The following CSMD3 variants were observed in gnomAD, a reference collection of about 807,000 sequenced individuals.
CSMD3 encodes CUB and sushi domain-containing protein 3.
Under a neutral mutation model 435.2 loss-of-function variants are expected in CSMD3, and 177 were observed. The ratio of observed to expected loss-of-function variants is 0.41; its 90% CI spans 0.36 to 0.46. The LOEUF is 0.46. Ranked by LOEUF, CSMD3 falls within the 20% of genes least tolerant of loss-of-function variation. The pLI is 0.34. For missense variants in CSMD3, 4,265 were observed against 4,504.6 expected (o/e 0.95, Z 1.52); for synonymous variants, 1,656 against 1,520.5 (o/e 1.09, Z -2.07).
At position 113,008,338 on chromosome 8, in the gene CSMD3, T is replaced by C. The variant is rs564950096; in HGVS notation, c.1030+10729A>G. On this transcript the variant is annotated intron_variant, in intron 6 of 70. Transcript: ENST00000297405. ...GGAGCAATGGAGAAAAATGACACTG[T>C]ATCATGTTCTCTCAGTGTATTTATG... Among the ~76,000 whole-genome samples the C allele has an allele frequency of 6.6e-5, 10 of 151,938 alleles. No homozygotes were observed. The South Asian group carries it at 1.7e-3, about 25-fold the overall frequency.
At chr8:112,455,345 C>G (rs552723503) in intron 32 of CSMD3, among the ~76,000 whole-genome samples, 1 of 152,128 alleles carries the variant, frequency 6.6e-6, no homozygotes, top group East Asian at 1.9e-4. Flanking sequence ...GAGGAGAAAA[C>G]CAAATACCAC....
chr8:112,660,768 A>G (rs2075361109), intron 17 of CSMD3, among the ~76,000 whole-genome samples: 1 of 152,234 alleles, frequency 6.6e-6, no homozygotes, highest in Admixed American at 6.5e-5. Context: ...TTATTCTAAA[A>G]TACTGAAAAT....
At chr8:113,386,576 T>A (rs1470938110) in intron 1 of CSMD3, among the ~76,000 whole-genome samples, 1 of 151,824 alleles carries the variant, frequency 6.6e-6, no homozygotes, top group African/African-American at 2.4e-5. Flanking sequence ...TGTCAGTGTA[T>A]TTTTAAAAAA....
rs139748479 is a variant in CSMD3, at chr8:112,908,876, C to T, written c.1633+12751G>A. Among the ~76,000 whole-genome samples, 993 of 151,484 alleles carry T rather than the reference C, an allele frequency of 6.6e-3. 6 individuals carry two copies. The highest frequency in any genetic ancestry group is 0.027 in the Middle Eastern group (8 of 294). ...ACAGGCAGGAAAAATAACCTGTGTC[C>T]TCCTTGCATAATTTAGAAATAAACT... is the stretch of plus-strand genomic sequence containing the variant. On this transcript the variant is annotated intron_variant, in intron 10 of 70. Transcript: ENST00000297405.
chr8:112,367,193 CTTACT>C (rs1446892875), intron 38 of CSMD3, among the ~76,000 whole-genome samples: 12 of 152,044 alleles, frequency 7.9e-5, no homozygotes, highest in African/African-American at 2.9e-4. Context: ...ACAATTTTTT[CTTACT>C]TTACAAGTAG....
chr8:112,298,236 G>A lies in CSMD3; in HGVS notation c.8441-2230C>T, dbSNP rs115932223. Among the ~76,000 whole-genome samples, 497 of 152,024 alleles carry A rather than the reference G, an allele frequency of 3.3e-3. 3 individuals are homozygous for A. Among genetic ancestry groups the A allele is most frequent in the African/African-American group, 0.011 (469 of 41,502 alleles). On this transcript the variant is annotated intron_variant, in intron 53 of 70. Transcript: ENST00000297405. ...TCATAAACTAATATAAGATTTATAT[G>A]AAACCGCAAAGTGTTATGGTATCCA...
intron 13 of CSMD3, among the ~76,000 whole-genome samples, chr8:112,759,535 A>G (rs2132140459): frequency 6.6e-6 from 1 of 152,134 alleles, no homozygotes; most frequent in South Asian, 2.1e-4. Context: ...TTGAAATTCT[A>G]TTTGGTTCTT....
chr8:112,964,463 T>C (rs2084344952), intron 7 of CSMD3, among the ~76,000 whole-genome samples: 1 of 151,974 alleles, frequency 6.6e-6, no homozygotes, highest in Non-Finnish European at 1.5e-5. Flanking sequence ...TATCTGATGA[T>C]AGTGCCAAGT....
intron 2 of CSMD3, among the ~76,000 whole-genome samples, chr8:113,286,258 T>C (rs971925633): frequency 2.0e-5 from 3 of 152,110 alleles, no homozygotes; most frequent in African/African-American, 7.2e-5. Flanking sequence ...ATATTTCCTC[T>C]GTAAAAACTT....
At chr8:113,298,615 A>G (rs1207000002) in intron 2 of CSMD3, among the ~76,000 whole-genome samples, 3 of 152,156 alleles carry the variant, frequency 2.0e-5, no homozygotes, top group Non-Finnish European at 4.4e-5. Flanking sequence ...TCATCCAAAG[A>G]CAAGAGAAGA....
intron 1 of CSMD3, among the ~76,000 whole-genome samples, chr8:113,356,933 A>G (rs930880632): frequency 2.0e-5 from 3 of 152,168 alleles, no homozygotes; most frequent in East Asian, 3.8e-4. Context: ...AAAAAATGTT[A>G]TATTGTTAGC....
intron 28 of CSMD3, among the ~76,000 whole-genome samples, chr8:112,516,363 A>C (rs1365683848): frequency 6.6e-6 from 1 of 152,162 alleles, no homozygotes; most frequent in Non-Finnish European, 1.5e-5. Flanking sequence ...CAGAACAAAA[A>C]AGTTTAAGAT....
intron 69 of CSMD3, among the ~76,000 whole-genome samples, chr8:112,229,493 G>A (rs977275566): frequency 6.6e-6 from 1 of 151,864 alleles, no homozygotes; most frequent in Non-Finnish European, 1.5e-5. Context: ...CAGTGGAGTG[G>A]TCGTGGCTGA....
chr8:112,579,393 T>G lies in CSMD3; in HGVS notation c.3886-5736A>C, dbSNP rs535043744. Among the ~76,000 whole-genome samples the G allele has an allele frequency of 2.6e-5, 4 of 152,158 alleles. No individual in the cohort carries two copies. The East Asian group carries it at 7.8e-4, about 29-fold the overall frequency. ...ATCAAGCTATCATTGAATGTGAATG[T>G]GATGTCATTGAATGTGGAGTTGGTT... On this transcript the variant is annotated intron_variant, in intron 23 of 70. Transcript: ENST00000297405.
chr8:112,304,375 AG>A (rs1356423208), intron 52 of CSMD3, among the ~76,000 whole-genome samples: 1 of 142,540 alleles, frequency 7.0e-6, no homozygotes, highest in Admixed American at 7.5e-5. Context: ...TCTGGGGCAA[AG>A]GTTTTTTTTT....
At chr8:113,210,241 G>C (rs2092818276) in intron 3 of CSMD3, among the ~76,000 whole-genome samples, 1 of 151,968 alleles carries the variant, frequency 6.6e-6, no homozygotes, top group African/African-American at 2.4e-5. Context: ...ATTTCAGCGT[G>C]ATCCTGAAGC....
At chr8:113,398,921 G>A (rs145900919) in intron 1 of CSMD3, among the ~76,000 whole-genome samples, 1 of 151,814 alleles carries the variant, frequency 6.6e-6, no homozygotes, top group East Asian at 1.9e-4. Flanking sequence ...TGGGGGATGA[G>A]AGGAAGTTGA....
intron 4 of CSMD3, among the ~76,000 whole-genome samples, chr8:113,153,932 C>T (rs1393336734): frequency 6.6e-6 from 1 of 151,714 alleles, no homozygotes; most frequent in African/African-American, 2.4e-5. Flanking sequence ...AGAAAAAAAA[C>T]CCATCCAGTG....
At chr8:112,504,662 G>T (rs1030073446) in intron 29 of CSMD3, among the ~76,000 whole-genome samples, 1 of 152,044 alleles carries the variant, frequency 6.6e-6, no homozygotes, top group Non-Finnish European at 1.5e-5. Flanking sequence ...GGATATTTTA[G>T]CATGTAAATG....
Sources: gnomAD v4.1 joint callset for allele counts (sites outside exome capture counted in the v4.1 genomes callset) on GRCh38, gnomAD v4.1.1 for gene constraint, MANE v1.5 for transcripts, NCBI Gene and HGNC (gene_info 2026-07-23, HGNC 2026-07-21) for gene names.